CLPB: variants seen among roughly 807,000 people sequenced by gnomAD.
The protein encoded by CLPB is mitochondrial disaggregase.
Under a neutral mutation model 78.4 loss-of-function variants are expected in CLPB, and 40 were observed. That is an observed-to-expected ratio of 0.51 (90% CI 0.40 to 0.66). The LOEUF (loss-of-function observed/expected upper bound fraction) is 0.66, where lower values mean the gene tolerates loss of function less well. Ranked by LOEUF, CLPB falls within the 30% of genes least tolerant of loss-of-function variation. The probability of loss-of-function intolerance (pLI) is 0.00; values close to 1 mark genes in which losing one functional copy is unlikely to be tolerated. For synonymous variants in CLPB, 333 were observed against 348.0 expected (o/e 0.96, Z 0.48); for missense variants, 780 against 886.9 (o/e 0.88, Z 1.53).
intron 5 of CLPB, among the ~76,000 whole-genome samples, chr11:72,351,680 T>C (rs1950615887): frequency 6.6e-6 from 1 of 152,216 alleles, no homozygotes; most frequent in Non-Finnish European, 1.5e-5. Flanking sequence ...CAAGTGATTC[T>C]CCTGCCTCAG....
At chr11:72,416,735 C>CAAAAAAAAAAAA (rs35655496) in intron 2 of CLPB, among the ~76,000 whole-genome samples, 5 of 50,614 alleles carry the variant, frequency 9.9e-5, no homozygotes, top group African/African-American at 2.3e-4. Context: ...GACTCCGTCT[C>CAAAAAAAAAAAA]AAAAAAAAAA....
rs1172770751 is a variant in CLPB at position 72,408,154 on chromosome 11, C to A, written c.456-5102G>T. 3 of 1,535,472 alleles carry A rather than the reference C, an allele frequency of 2.0e-6. No individual in the cohort carries two copies. In the African/African-American group the frequency reaches 4.1e-5, roughly 21 times the overall value. On this transcript the variant is annotated intron_variant, in intron 2 of 15. Transcript: ENST00000538039. Reference sequence around the variant, plus strand: ...TGTTCTTCAGTGAGACTCCAGCATTCAGCCCTGCCCAGCTTCTTGACTGAG... The same window carrying A: ...TGTTCTTCAGTGAGACTCCAGCATTAAGCCCTGCCCAGCTTCTTGACTGAG...
chr11:72,347,352 G>A (rs558002357), intron 5 of CLPB, among the ~76,000 whole-genome samples: 1 of 152,220 alleles, frequency 6.6e-6, no homozygotes, highest in East Asian at 1.9e-4. Context: ...AGCTACTTGG[G>A]ACCCTGAGGT....
In CLPB at chr11:72,286,224, T is replaced by TTTTTTTTTTTTTG. The variant is rs1949387731; in HGVS notation, c.*7142_*7143insCAAAAAAAAAAAA. 1.3e-5 allele frequency: 1 copy of TTTTTTTTTTTTTG among 75,612 alleles called. No individual in the cohort carries two copies. Among genetic ancestry groups the TTTTTTTTTTTTTG allele is most frequent in the African/African-American group, 9.4e-5 (1 of 10,646 alleles). The allele number at this position is 75,612 out of a possible 1,614,324, so 4.7% of individuals were successfully genotyped here. ...TTACAGGTGTGAGATACTGCACCTG[T>TTTTTTTTTTTTTG]TTTTTTTTTTTTTTTTTTTTTTAAG... On this transcript the variant is annotated 3_prime_UTR_variant, in exon 16 of 16. Transcript: ENST00000538039.
chr11:72,286,112 T>C lies in CLPB; in HGVS notation c.*7255A>G, dbSNP rs1264932331. ...ACAACCAGCTAATTTTTTGCAGAGA[T>C]GGGGTTTCACCATGTTGCTCAGGCT... On this transcript the variant is annotated 3_prime_UTR_variant, in exon 16 of 16. Transcript: ENST00000538039. 6.6e-6 allele frequency: 1 copy of C among 151,872 alleles called. No individual in the cohort carries two copies. The highest frequency in any genetic ancestry group is 1.9e-4 in the East Asian group (1 of 5,174). The allele number at this position is 151,872 out of a possible 1,614,324, so 9.4% of individuals were successfully genotyped here.
At position 72,293,482 on chromosome 11, in the gene CLPB, T is replaced by C; in HGVS notation, c.1919A>G (p.Gln640Arg). ...LLKSPELPSP[Q>R]AEKRLPKLRL... ...CAGCTTGGGGAGGCGCTTCTCAGCCTGGGGTGAGGGCAGTTCTGGGCTTTT... is the reference window on the plus strand; with the variant it reads ...CAGCTTGGGGAGGCGCTTCTCAGCCCGGGGTGAGGGCAGTTCTGGGCTTTT... The change falls in exon 16 of 16, where the codon CAG becomes CGG. Residue 640 changes from glutamine (Q) to arginine (R), a missense_variant. Gln to Arg is a conservative substitution (Grantham distance 43). Transcript: ENST00000538039. 2 of 1,614,132 alleles carry C rather than the reference T, an allele frequency of 1.2e-6. No homozygotes were observed. The highest frequency in any genetic ancestry group is 2.2e-5 in the East Asian group (1 of 44,862).
rs181465164 is a variant in CLPB, at chr11:72,360,684, G to A, written c.647-1676C>T. Among the ~76,000 whole-genome samples the A allele has an allele frequency of 2.6e-3, 395 of 152,170 alleles. 2 individuals are homozygous for A. The highest frequency in any genetic ancestry group is 9.0e-3 in the African/African-American group (375 of 41,532). ...ACTCCCGACCTCAGGTGATCCACCC[G>A]CCTCAGCCTCCCAAAGTGCTGGGAT... On this transcript the variant is annotated intron_variant, in intron 4 of 15. Coordinates refer to ENST00000538039, the MANE Select transcript of CLPB (RefSeq NM_001258392.3).
rs1949391479 is a variant in CLPB at position 72,286,430 on chromosome 11, C to A, written c.*6937G>T. On this transcript the variant is annotated 3_prime_UTR_variant, in exon 16 of 16. Transcript: ENST00000538039. ...ATACTTAAAAGTTGCAAAAACAATA[C>A]AAAGAATTCATGTACATCATTCCCT... The A allele has an allele frequency of 6.6e-6, 1 of 151,702 alleles. No homozygotes were observed. The highest frequency in any genetic ancestry group is 1.5e-5 in the Non-Finnish European group (1 of 67,942). 9.4% of individuals were successfully genotyped at this position (151,702 alleles called of 1,614,324 possible). A position where few individuals can be genotyped will look rare whatever the true frequency, so the allele number is the denominator to read the frequency against.
At chr11:72,329,960 G>A (rs1950194990) in intron 5 of CLPB, among the ~76,000 whole-genome samples, 156 bp from the exon 6 acceptor site, 1 of 152,120 alleles carries the variant, frequency 6.6e-6, no homozygotes, top group Non-Finnish European at 1.5e-5. Flanking sequence ...TCCTACATGT[G>A]CATGCACACA....
In CLPB at chr11:72,290,631, T is replaced by G. The variant is rs1590747907; in HGVS notation, c.*2736A>C. 6.6e-6 allele frequency: 1 copy of G among 152,316 alleles called. No individual in the cohort carries two copies. Among genetic ancestry groups the G allele is most frequent in the Non-Finnish European group, 1.5e-5 (1 of 68,040 alleles). 9.4% of individuals were successfully genotyped at this position (152,316 alleles called of 1,614,324 possible). A position where few individuals can be genotyped will look rare whatever the true frequency, so the allele number is the denominator to read the frequency against. ...GTGGAGAAACCTGGCACACACCACC[T>G]TAGCCATGTGATCAAAGTTACCACC... On this transcript the variant is annotated 3_prime_UTR_variant, in exon 16 of 16. Coordinates refer to ENST00000538039, the MANE Select transcript of CLPB (RefSeq NM_001258392.3).
chr11:72,344,670 C>T (rs753571050), intron 5 of CLPB, among the ~76,000 whole-genome samples: 1 of 152,132 alleles, frequency 6.6e-6, no homozygotes, highest in Non-Finnish European at 1.5e-5. Context: ...AAAACAGCTC[C>T]GATTTGTTTA....
intron 3 of CLPB, among the ~76,000 whole-genome samples, chr11:72,400,687 C>T (rs1224453200): frequency 6.6e-6 from 1 of 152,158 alleles, no homozygotes; most frequent in Non-Finnish European, 1.5e-5. Flanking sequence ...GAAGTACCAG[C>T]GGTGTAGAAT....
At chr11:72,368,801 TC>T (rs1565466103) in intron 4 of CLPB, among the ~76,000 whole-genome samples, 1 of 152,184 alleles carries the variant, frequency 6.6e-6, no homozygotes, top group Non-Finnish European at 1.5e-5. Context: ...GCACTCATGG[TC>T]AAGTAGGTTG....
intron 9 of CLPB, chr11:72,302,949 A>C (rs1487259063): frequency 6.5e-6 from 1 of 154,090 alleles, no homozygotes; most frequent in Non-Finnish European, 1.4e-5. Context: ...TTCATTAAAA[A>C]AGATATCCAT....
rs539164938 is a variant in CLPB at position 72,354,445 on chromosome 11, C to T, written c.775+4435G>A. ...ATATGTTTTAGGAAGATGGATCTGC[C>T]GGTGGGATCACATCCCTGAGAGGAC... On this transcript the variant is annotated intron_variant, in intron 5 of 15. Coordinates refer to ENST00000538039, the MANE Select transcript of CLPB (RefSeq NM_001258392.3). The T allele has an allele frequency of 8.0e-5, 32 of 397,934 alleles. 1 individual carries two copies. Among genetic ancestry groups the T allele is most frequent in the African/African-American group, 4.7e-4 (23 of 48,688 alleles). The allele number at this position is 397,934 out of a possible 1,614,324, so 24.7% of individuals were successfully genotyped here. A position where few individuals can be genotyped will look rare whatever the true frequency, so the allele number is the denominator to read the frequency against.
intron 5 of CLPB, among the ~76,000 whole-genome samples, chr11:72,337,684 T>C (rs1317280329): frequency 3.3e-5 from 5 of 152,214 alleles, no homozygotes; most frequent in African/African-American, 1.2e-4. Context: ...AAGTATTTTT[T>C]TAGGAAAGGA....
Position 72,291,887 on chromosome 11 carries a change from C to CA in CLPB, c.*1479dup, listed in dbSNP as rs1235565543. On this transcript the variant is annotated 3_prime_UTR_variant, in exon 16 of 16. Coordinates refer to ENST00000538039, the MANE Select transcript of CLPB (RefSeq NM_001258392.3). The stretch of plus-strand genomic sequence containing the variant: ...TGAAACCCTGTCTCTACTAAAAATA[C>CA]AAAAAGGTAGCCGGGCGTGGTGGTG... 2 of 151,202 alleles carry CA rather than the reference C, an allele frequency of 1.3e-5. No homozygotes were observed. Among genetic ancestry groups the CA allele is most frequent in the Admixed American group, 1.3e-4 (2 of 15,176 alleles). The allele number at this position is 151,202 out of a possible 1,614,324, so 9.4% of individuals were successfully genotyped here.
At chr11:72,370,624 T>C (rs1229981603) in intron 4 of CLPB, among the ~76,000 whole-genome samples, 1 of 152,184 alleles carries the variant, frequency 6.6e-6, no homozygotes, top group Non-Finnish European at 1.5e-5. Flanking sequence ...CTGACTAAGC[T>C]GGGGGCACAT....
intron 9 of CLPB, 83 bp from the exon 10 acceptor site, chr11:72,302,431 T>C (rs1453457337): frequency 8.4e-7 from 1 of 1,185,224 alleles, no homozygotes; most frequent in South Asian, 1.2e-5. Flanking sequence ...ACCTCAACTA[T>C]CCCCAAGGCT....
Sources: allele counts gnomAD v4.1 joint callset (sites outside exome capture counted in the v4.1 genomes callset), GRCh38; gene constraint gnomAD v4.1.1; transcripts MANE v1.5; gene names NCBI Gene and HGNC (gene_info 2026-07-23, HGNC 2026-07-21).